CSF1R: variants seen among roughly 807,000 people sequenced by gnomAD.
The protein encoded by CSF1R is colony stimulating factor 1 receptor.
In CSF1R, 40 loss-of-function variants were observed where a neutral mutation model predicts 110.0. That is an observed-to-expected ratio of 0.36 (90% CI 0.28 to 0.47). The LOEUF (loss-of-function observed/expected upper bound fraction) is 0.47, where lower values mean the gene tolerates loss of function less well. Among genes scored for constraint, CSF1R ranks in the 20% least tolerant of loss-of-function variants. CSF1R has a pLI of 0.99. For synonymous variants in CSF1R, 523 were observed against 503.4 expected, an observed-to-expected ratio of 1.04 and a Z score of -0.52; for missense variants, 1,052 against 1,253.0, an observed-to-expected ratio of 0.84 and a Z score of 2.42.
At chr5:150,102,711 C>T (rs1226181804) in intron 1 of CSF1R, among the ~76,000 whole-genome samples, 7 of 152,202 alleles carry the variant, frequency 4.6e-5, no homozygotes, top group Admixed American at 3.3e-4. Flanking sequence ...AACTCCAGAC[C>T]TCAAGTGATC....
chr5:150,081,924 G>A (rs963321479), intron 1 of CSF1R, among the ~76,000 whole-genome samples: 1 of 152,218 alleles, frequency 6.6e-6, no homozygotes, highest in African/African-American at 2.4e-5. Flanking sequence ...TAGGGGCAAA[G>A]GAGGGAAGTG....
intron 6 of CSF1R, 25 bp from the exon 7 acceptor site, chr5:150,070,596 T>C: frequency 6.8e-7 from 1 of 1,470,170 alleles, no homozygotes; most frequent in Non-Finnish European, 9.1e-7. Context: ...CAGGTGGTGT[T>C]GGTGAGCCCC....
At chr5:150,086,568 CT>C, upstream of CSF1R, 1 of 739,860 alleles carries the variant, frequency 1.4e-6, no homozygotes, top group Admixed American at 2.4e-5. Flanking sequence ...TTGTTTTCCT[CT>C]TCCTCCTCCT....
chr5:150,075,594 T>C (rs1758227419), intron 5 of CSF1R, among the ~76,000 whole-genome samples: 1 of 152,206 alleles, frequency 6.6e-6, no homozygotes, highest in African/African-American at 2.4e-5. Flanking sequence ...AAGCTGCAAA[T>C]GCTATATAAT....
rs1757872953 is a variant in CSF1R, at chr5:150,068,334, G to A, written c.1511-4C>T. 1 of 1,610,330 alleles carries A rather than the reference G, an allele frequency of 6.2e-7. No individual in the cohort carries two copies. The highest frequency in any genetic ancestry group is 1.3e-5 in the African/African-American group (1 of 74,884). ...TCCGGGGGATGCGTGTGGGCTCCTG[G>A]AAGGCATGAAGCAAAGCAGTGAGCA... On this transcript the variant is annotated splice_region_variant and splice_polypyrimidine_tract_variant and intron_variant, in intron 9 of 20. Transcript: ENST00000675795.
intron 14 of CSF1R, among the ~76,000 whole-genome samples, chr5:150,059,366 G>A (rs1386370556): frequency 6.6e-6 from 1 of 152,158 alleles, no homozygotes; most frequent in African/African-American, 2.4e-5. Flanking sequence ...CTCTTACTAG[G>A]GCTCCAGGCA....
intron 1 of CSF1R, among the ~76,000 whole-genome samples, chr5:150,098,722 A>G (rs907745891): frequency 1.3e-5 from 2 of 152,114 alleles, no homozygotes; most frequent in Non-Finnish European, 2.9e-5. Context: ...AATATATATA[A>G]ATGATAAGAT....
intron 1 of CSF1R, among the ~76,000 whole-genome samples, chr5:150,111,424 C>T (rs139722395): frequency 2.0e-4 from 30 of 152,348 alleles, no homozygotes; most frequent in African/African-American, 7.2e-4. Context: ...TTACCCCAGA[C>T]CCTGCCTGCC....
chr5:150,106,463 T>C (rs114431201), intron 1 of CSF1R, among the ~76,000 whole-genome samples: 1,618 of 152,054 alleles, frequency 0.011, 21 homozygotes, highest in African/African-American at 0.038. Flanking sequence ...ACCCAGGAGG[T>C]TCCCCACCAG....
intron 13 of CSF1R, 151 bp downstream of exon 13, chr5:150,060,711 C>T: frequency 1.7e-6 from 1 of 581,872 alleles, no homozygotes; most frequent in Admixed American, 2.9e-5. Context: ...GGAGATGGGC[C>T]CAGGAGTTTA....
At chr5:150,086,898 A>T (rs1301872500), upstream of CSF1R, among the ~76,000 whole-genome samples, 1 of 152,040 alleles carries the variant, frequency 6.6e-6, no homozygotes, top group Non-Finnish European at 1.5e-5. Context: ...TGACATATAT[A>T]TTTTTTCTTT....
chr5:150,061,748 C>T lies in CSF1R; in HGVS notation c.1728G>A (p.Glu576=), dbSNP rs549280708. The T allele has an allele frequency of 7.2e-5, 117 of 1,614,246 alleles. 2 individuals carry two copies. In the South Asian group the frequency reaches 1.2e-3, roughly 17 times the overall value. The change falls in exon 11 of 21, where the codon GAG becomes GAA. Residue 576 remains glutamate (E), a synonymous_variant. Transcript: ENST00000675795. ...PTQLPYNEKW[E]FPRNNLQFGK... ...CAAACTGCAGGTTGTTCCGGGGGAACTCCCACTTCTCGTTGTAAGGCAGCT... is the reference window on the plus strand; with the variant it reads ...CAAACTGCAGGTTGTTCCGGGGGAATTCCCACTTCTCGTTGTAAGGCAGCT...
chr5:150,061,324 A>G (rs1232244597), intron 12 of CSF1R, among the ~76,000 whole-genome samples, 167 bp downstream of exon 12: 1 of 152,166 alleles, frequency 6.6e-6, no homozygotes, highest in Admixed American at 6.5e-5. Flanking sequence ...GCCGGGAGTC[A>G]GAGGGTGCCT....
intron 1 of CSF1R, among the ~76,000 whole-genome samples, chr5:150,101,250 A>C (rs1478036466): frequency 6.6e-6 from 1 of 152,198 alleles, no homozygotes; most frequent in African/African-American, 2.4e-5. Context: ...CACTATGAGA[A>C]AGACGCGCCT....
chr5:150,112,877 C>G (rs538274191), intron 1 of CSF1R, among the ~76,000 whole-genome samples: 1 of 152,270 alleles, frequency 6.6e-6, no homozygotes, highest in East Asian at 1.9e-4. Flanking sequence ...CCTGTGGTTC[C>G]AAAATGAGGT....
At chr5:150,074,067 T>C (rs1334508643) in intron 5 of CSF1R, among the ~76,000 whole-genome samples, 3 of 152,184 alleles carry the variant, frequency 2.0e-5, no homozygotes, top group African/African-American at 7.2e-5. Context: ...CTCATTTTAC[T>C]GGTGTTGCTG....
rs1263908842 is a variant in CSF1R at position 150,056,150 on chromosome 5, T to G, written c.2443-13A>C. On this transcript the variant is annotated splice_polypyrimidine_tract_variant and intron_variant, in intron 17 of 20. Coordinates refer to ENST00000675795, the MANE Select transcript of CSF1R (RefSeq NM_001288705.3). The stretch of plus-strand genomic sequence containing the variant: ...CAGGCAGGCGGGCCTGGGATGACAG[T>G]CCCCAGTTATTTTGGGCCCCGACTC... 1.2e-6 allele frequency: 2 copies of G among 1,614,098 alleles called. No individual in the cohort carries two copies. Among genetic ancestry groups the G allele is most frequent in the South Asian group, 1.1e-5 (1 of 91,072 alleles).
At chr5:150,107,123 C>G (rs1759581199) in intron 1 of CSF1R, among the ~76,000 whole-genome samples, 1 of 152,146 alleles carries the variant, frequency 6.6e-6, no homozygotes, top group South Asian at 2.1e-4. Flanking sequence ...AAATGAAGAG[C>G]AAGGAGAAGC....
chr5:150,070,899 A>G (rs915068130), intron 6 of CSF1R, among the ~76,000 whole-genome samples: 3 of 152,154 alleles, frequency 2.0e-5, no homozygotes, highest in Non-Finnish European at 2.9e-5. Flanking sequence ...GAAAGCTGCA[A>G]TCCCTGCTAC....
Sources: gnomAD v4.1 joint callset for allele counts (sites outside exome capture counted in the v4.1 genomes callset) on GRCh38, gnomAD v4.1.1 for gene constraint, MANE v1.5 for transcripts, NCBI Gene and HGNC (gene_info 2026-07-23, HGNC 2026-07-21) for gene names.